Variants in MEGF11 observed in about 807,000 individuals in gnomAD.
MEGF11 encodes the protein multiple epidermal growth factor-like domains protein 11.
Under a neutral mutation model 146.6 loss-of-function variants are expected in MEGF11, and 126 were observed. The observed-to-expected ratio is 0.86, with a 90% CI of 0.74 to 1.00. The LOEUF (loss-of-function observed/expected upper bound fraction) is 1.00, where lower values mean the gene tolerates loss of function less well. Ranked by LOEUF, MEGF11 falls within the 50% of genes least tolerant of loss-of-function variation. The probability of loss-of-function intolerance (pLI) is 0.00; values close to 1 mark genes in which losing one functional copy is unlikely to be tolerated. For synonymous variants in MEGF11, 532 were observed against 583.4 expected (o/e 0.91, Z 1.27); for missense variants, 1,509 against 1,521.2 (o/e 0.99, Z 0.13).
intron 4 of MEGF11, among the ~76,000 whole-genome samples, chr15:66,108,332 C>T (rs1597091197): frequency 6.6e-6 from 1 of 152,172 alleles, no homozygotes; most frequent in Non-Finnish European, 1.5e-5. Context: ...TTTTCCAAGG[C>T]TATTTTCTGA....
At chr15:66,202,267 C>T (rs1209605397) in intron 1 of MEGF11, among the ~76,000 whole-genome samples, 2 of 152,222 alleles carry the variant, frequency 1.3e-5, no homozygotes, top group Non-Finnish European at 2.9e-5. Flanking sequence ...ACACAGGCAG[C>T]CACCAGCCAT....
At chr15:66,031,345 A>T (rs2083511428) in intron 5 of MEGF11, among the ~76,000 whole-genome samples, 1 of 152,218 alleles carries the variant, frequency 6.6e-6, no homozygotes, top group Admixed American at 6.5e-5. Context: ...GATAGGGCAT[A>T]GAATATGCAA....
At chr15:65,984,199 C>A (rs2081763312) in intron 5 of MEGF11, among the ~76,000 whole-genome samples, 1 of 152,098 alleles carries the variant, frequency 6.6e-6, no homozygotes, top group Admixed American at 6.6e-5. Flanking sequence ...AAATTAAATC[C>A]ATTTATGCTA....
chr15:66,010,465 T>C (rs1431142737), intron 5 of MEGF11, among the ~76,000 whole-genome samples: 2 of 152,166 alleles, frequency 1.3e-5, no homozygotes, highest in African/African-American at 4.8e-5. Context: ...AGTGCTGGGA[T>C]TACAGGCATG....
chr15:66,147,642 G>A (rs1011422198), intron 1 of MEGF11, among the ~76,000 whole-genome samples: 1 of 152,212 alleles, frequency 6.6e-6, no homozygotes, highest in African/African-American at 2.4e-5. Context: ...AGGTGAGAAA[G>A]AGCAGGTGCA....
At chr15:66,216,073 G>A (rs542755615) in intron 1 of MEGF11, among the ~76,000 whole-genome samples, 2 of 152,250 alleles carry the variant, frequency 1.3e-5, no homozygotes, top group South Asian at 2.1e-4. Context: ...CAGGCGCTCA[G>A]GCTGGAAAAA....
At chr15:66,186,749 A>G (rs143792649) in intron 1 of MEGF11, among the ~76,000 whole-genome samples, 1 of 152,348 alleles carries the variant, frequency 6.6e-6, no homozygotes, top group East Asian at 1.9e-4. Context: ...AATCTAACTG[A>G]GAGATGGTCT....
rs569713005 is a variant in MEGF11, at chr15:65,915,904, C to T, written c.2344+244G>A. ...ATAATAAAAAAAAAATCCTGCCTCC[C>T]ACTATTCTCTCATTACTTGCTATGA... On this transcript the variant is annotated intron_variant, in intron 18 of 25. Transcript: ENST00000395614. Among the ~76,000 whole-genome samples the T allele has an allele frequency of 1.4e-4, 22 of 152,274 alleles. No individual in the cohort carries two copies. In the South Asian group the frequency reaches 3.9e-3, roughly 27 times the overall value.
At chr15:66,079,862 C>T (rs1480118893) in intron 5 of MEGF11, among the ~76,000 whole-genome samples, 1 of 152,178 alleles carries the variant, frequency 6.6e-6, no homozygotes, top group Non-Finnish European at 1.5e-5. Context: ...TGGGCTGCCC[C>T]TTCCCAGCCT....
intron 5 of MEGF11, among the ~76,000 whole-genome samples, chr15:65,985,936 T>A (rs894912936): frequency 6.6e-6 from 1 of 151,566 alleles, no homozygotes; most frequent in South Asian, 2.1e-4. Flanking sequence ...TATGCACATG[T>A]GTATGTTTGT....
At chr15:65,917,023 A>AGG in intron 16 of MEGF11, 67 bp from the exon 17 acceptor site, 2 of 1,424,140 alleles carry the variant, frequency 1.4e-6, no homozygotes, top group South Asian at 1.5e-5. Flanking sequence ...AGGGAGAAGA[A>AGG]GGGGGAGTAC....
In MEGF11 at chr15:65,993,843, G is replaced by A. The variant is rs186419994; in HGVS notation, c.395-11355C>T. ...CCCATCATTCCCCTTCCCACCATGA[G>A]GTCTGGTCTGGAGGAGGGAGCCTCT... On this transcript the variant is annotated intron_variant, in intron 5 of 25. Coordinates refer to ENST00000395614, the MANE Select transcript of MEGF11 (RefSeq NM_001385028.1). Among the ~76,000 whole-genome samples, 1,073 of 152,328 alleles carry A rather than the reference G, an allele frequency of 7.0e-3. 3 individuals carry two copies. The highest frequency in any genetic ancestry group is 8.9e-3 in the Non-Finnish European group (608 of 68,028).
At chr15:66,117,153 G>A (rs1353357842) in intron 4 of MEGF11, among the ~76,000 whole-genome samples, 1 of 152,192 alleles carries the variant, frequency 6.6e-6, no homozygotes, top group Non-Finnish European at 1.5e-5. Flanking sequence ...GTGCTGGGAA[G>A]ATGATGAAGA....
intron 5 of MEGF11, among the ~76,000 whole-genome samples, chr15:66,011,689 A>G (rs1275985695): frequency 2.0e-5 from 3 of 150,814 alleles, no homozygotes; most frequent in Non-Finnish European, 4.4e-5. Flanking sequence ...CCACAGTGCA[A>G]GCAGTGAGAA....
chr15:65,999,793 C>A (rs2082305800), intron 5 of MEGF11, among the ~76,000 whole-genome samples: 1 of 152,176 alleles, frequency 6.6e-6, no homozygotes, highest in African/African-American at 2.4e-5. Context: ...AGTCAATGAT[C>A]AAGGCATCAT....
intron 4 of MEGF11, among the ~76,000 whole-genome samples, chr15:66,097,031 C>T (rs2086583775): frequency 6.6e-6 from 1 of 152,212 alleles, no homozygotes; most frequent in Non-Finnish European, 1.5e-5. Context: ...TTCTGTGCTA[C>T]TCATGGAGGA....
intron 2 of MEGF11, among the ~76,000 whole-genome samples, chr15:66,124,498 C>A (rs2088234096): frequency 6.6e-6 from 1 of 152,210 alleles, no homozygotes; most frequent in Non-Finnish European, 1.5e-5. Flanking sequence ...TCAATAGGTG[C>A]TAACATTTAT....
intron 5 of MEGF11, among the ~76,000 whole-genome samples, chr15:66,077,830 CAA>C (rs142667343): frequency 0.12 from 18,133 of 152,038 alleles, 1,306 homozygotes; most frequent in South Asian, 0.2. Flanking sequence ...GCTTTGACAG[CAA>C]AAGAGCAATG....
intron 1 of MEGF11, among the ~76,000 whole-genome samples, chr15:66,199,206 T>C (rs2091088147): frequency 6.6e-6 from 1 of 152,178 alleles, no homozygotes; most frequent in Non-Finnish European, 1.5e-5. Context: ...TTATTTAGTG[T>C]TCATTGATAA....
Sources: gnomAD v4.1 joint callset for allele counts (sites outside exome capture counted in the v4.1 genomes callset) on GRCh38, gnomAD v4.1.1 for gene constraint, MANE v1.5 for transcripts, NCBI Gene and HGNC (gene_info 2026-07-23, HGNC 2026-07-21) for gene names.